The following MYO10 variants were observed in gnomAD, a reference collection of about 807,000 sequenced individuals.
MYO10 encodes the protein myosin X.
A neutral mutation model predicts 257.3 loss-of-function variants in MYO10; 133 were observed. That is an observed-to-expected ratio of 0.52 (90% CI 0.45 to 0.60). The LOEUF is 0.60. Ranked by LOEUF, MYO10 falls within the 20% of genes least tolerant of loss-of-function variation. The pLI, the probability that MYO10 is intolerant of heterozygous loss-of-function variation, is 0.00. For synonymous variants in MYO10, 1,104 were observed against 1,028.6 expected (o/e 1.07, Z -1.40); for missense variants, 2,399 against 2,635.7 (o/e 0.91, Z 1.97).
At chr5:16,681,229 A>T in intron 32 of MYO10, 80 bp downstream of exon 32, 1 of 1,407,666 alleles carries the variant, frequency 7.1e-7, no homozygotes, top group South Asian at 1.4e-5. Flanking sequence ...ACACACTAGG[A>T]AGGAATCTTA....
At chr5:16,852,645 C>A (rs1268260270) in intron 2 of MYO10, among the ~76,000 whole-genome samples, 1 of 151,606 alleles carries the variant, frequency 6.6e-6, no homozygotes, top group African/African-American at 2.4e-5. Flanking sequence ...AGATAGCCCG[C>A]AAAAATTGAA....
intron 1 of MYO10, among the ~76,000 whole-genome samples, chr5:16,902,014 C>A (rs569749790): frequency 6.6e-6 from 1 of 152,304 alleles, no homozygotes; most frequent in South Asian, 2.1e-4. Flanking sequence ...TTCTTTCATG[C>A]ACCCCAAGTT....
At chr5:16,675,835 C>T (rs973816134) in intron 34 of MYO10, among the ~76,000 whole-genome samples, 196 bp downstream of exon 34, 1 of 152,190 alleles carries the variant, frequency 6.6e-6, no homozygotes, top group African/African-American at 2.4e-5. Context: ...AGCAATCAAT[C>T]TTAGCATTAC....
At chr5:16,856,026 T>G (rs1175405655) in intron 2 of MYO10, among the ~76,000 whole-genome samples, 1 of 152,222 alleles carries the variant, frequency 6.6e-6, no homozygotes, top group African/African-American at 2.4e-5. Context: ...GCAACTGCAT[T>G]TGAAACTTCT....
intron 2 of MYO10, among the ~76,000 whole-genome samples, chr5:16,852,479 C>G (rs1743837836): frequency 1.3e-5 from 2 of 151,444 alleles, no homozygotes; most frequent in Admixed American, 1.3e-4. Flanking sequence ...ATTAACTGAC[C>G]TTTTTTTTGC....
chr5:16,731,281 G>A lies in MYO10; in HGVS notation c.1930-20036C>T, dbSNP rs559907868. ...GCTGGTCTTGAACTCCTGACCTCAT[G>A]AGCCACCCACCTCAGCCTCCCAAAG... On this transcript the variant is annotated intron_variant, in intron 19 of 40. Transcript: ENST00000513610. Among the ~76,000 whole-genome samples, 44 of 151,718 alleles carry A rather than the reference G, an allele frequency of 2.9e-4. No homozygotes were observed. The South Asian group carries it at 6.9e-3, about 24-fold the overall frequency.
intron 1 of MYO10, among the ~76,000 whole-genome samples, chr5:16,886,923 C>A (rs1430189451): frequency 3.7e-5 from 5 of 135,466 alleles, no homozygotes; most frequent in Non-Finnish European, 7.8e-5. Context: ...CAGAGCGAGA[C>A]TCCATCTCCA....
chr5:16,724,928 G>A (rs1739296115), intron 19 of MYO10, among the ~76,000 whole-genome samples: 1 of 152,098 alleles, frequency 6.6e-6, no homozygotes. Flanking sequence ...GCATGTGTGT[G>A]TATATGCACG....
At chr5:16,706,503 T>C (rs1437307251) in intron 21 of MYO10, among the ~76,000 whole-genome samples, 1 of 152,176 alleles carries the variant, frequency 6.6e-6, no homozygotes, top group African/African-American at 2.4e-5. Flanking sequence ...GTATTACATA[T>C]CTTACTCTAA....
At chr5:16,874,605 C>A (rs985040116) in intron 2 of MYO10, among the ~76,000 whole-genome samples, 1 of 152,146 alleles carries the variant, frequency 6.6e-6, no homozygotes, top group Non-Finnish European at 1.5e-5. Context: ...TGCTCCAGTT[C>A]CCAACAAGCT....
intron 2 of MYO10, among the ~76,000 whole-genome samples, chr5:16,866,411 T>C (rs1220853057): frequency 6.6e-6 from 1 of 152,180 alleles, no homozygotes; most frequent in Non-Finnish European, 1.5e-5. Context: ...AATGATAAGC[T>C]AAAAGATACC....
At chr5:16,823,576 A>C (rs1181433380) in intron 2 of MYO10, among the ~76,000 whole-genome samples, 1 of 141,216 alleles carries the variant, frequency 7.1e-6, no homozygotes, top group East Asian at 2.2e-4. Context: ...GGTTCATGCC[A>C]TTCTCCTGCC....
chr5:16,902,172 A>G (rs902217686), intron 1 of MYO10: 9 of 603,138 alleles, frequency 1.5e-5, no homozygotes, highest in African/African-American at 3.7e-5. Context: ...CAGCCTCCCA[A>G]GTAGTTGGGA....
chr5:16,718,523 C>T (rs1025942357), intron 19 of MYO10, among the ~76,000 whole-genome samples: 2 of 152,308 alleles, frequency 1.3e-5, no homozygotes, highest in Non-Finnish European at 2.9e-5. Flanking sequence ...CCAATCGACA[C>T]TCTGTATCTA....
Position 16,701,003 on chromosome 5 carries a change from G to A in MYO10, c.3392C>T (p.Ser1131Leu), listed in dbSNP as rs868861307. 24 of 1,560,496 alleles carry A rather than the reference G, an allele frequency of 1.5e-5. No individual in the cohort carries two copies. Among genetic ancestry groups the A allele is most frequent in the Non-Finnish European group, 2.1e-5 (24 of 1,152,332 alleles). The change falls in exon 25 of 41, where the codon TCG becomes TTG. Residue 1131 changes from serine (S) to leucine (L), a missense_variant. This residue lies in a region of MYO10 where 1,820 missense variants were observed against 1,939.4 expected (regional missense o/e 0.94). Coordinates refer to ENST00000513610, the MANE Select transcript of MYO10 (RefSeq NM_012334.3). This position sits in a 1 kb window ranked among gnomAD's most constrained non-coding sequence, Gnocchi z 8.1. The stretch of plus-strand genomic sequence containing the variant: ...CTCAGAGCTGAACCGGTAGGCACCC[G>A]AGCTGTTGTAGGTCCCCACAGAGCA... ...YRCSVGTYNS[S>L]GAYRFSSEGA...
chr5:16,719,997 T>C (rs866466213), intron 19 of MYO10, among the ~76,000 whole-genome samples: 108 of 126,682 alleles, frequency 8.5e-4, no homozygotes, highest in African/African-American at 5.0e-3. Flanking sequence ...TGCGTGTGTG[T>C]GTGTGTGTGT....
intron 2 of MYO10, among the ~76,000 whole-genome samples, chr5:16,870,553 G>A (rs1242729638): frequency 6.6e-6 from 1 of 151,466 alleles, no homozygotes; most frequent in African/African-American, 2.4e-5. Flanking sequence ...TACACTAATA[G>A]TTTTGTAAAC....
At chr5:16,860,686 G>C (rs1744081689) in intron 2 of MYO10, among the ~76,000 whole-genome samples, 1 of 152,072 alleles carries the variant, frequency 6.6e-6, no homozygotes, top group South Asian at 2.1e-4. Context: ...AGAGTAAGCA[G>C]AGGCTCTTAA....
chr5:16,786,160 A>ACC (rs1364550533), intron 4 of MYO10, among the ~76,000 whole-genome samples: 1 of 152,034 alleles, frequency 6.6e-6, no homozygotes, highest in Non-Finnish European at 1.5e-5. Context: ...CCTGTGTTAC[A>ACC]CCCCTAAGAT....
Sources: allele counts gnomAD v4.1 joint callset (sites outside exome capture counted in the v4.1 genomes callset), GRCh38; gene constraint gnomAD v4.1.1; regional missense constraint gnomAD v4.1.1; non-coding constraint Gnocchi (gnomAD v3.1); transcripts MANE v1.5; gene names NCBI Gene and HGNC (gene_info 2026-07-23, HGNC 2026-07-21).